CDC14A: variants seen among roughly 807,000 people sequenced by gnomAD.
The protein encoded by CDC14A is dual specificity protein phosphatase CDC14A.
Under a neutral mutation model 74.4 loss-of-function variants are expected in CDC14A, and 53 were observed. The observed-to-expected ratio is 0.71, with a 90% confidence interval of 0.57 to 0.89. The LOEUF (loss-of-function observed/expected upper bound fraction) is 0.89, where lower values mean the gene tolerates loss of function less well. CDC14A is among the 40% of genes least tolerant of loss of function. CDC14A has a pLI of 0.00. For synonymous variants in CDC14A, 247 were observed against 258.4 expected, an observed-to-expected ratio of 0.96 and a Z score of 0.43; for missense variants, 646 against 713.7, an observed-to-expected ratio of 0.91 and a Z score of 1.08.
At chr1:100,397,614 A>G (rs1013250197) in intron 4 of CDC14A, among the ~76,000 whole-genome samples, 1 of 152,234 alleles carries the variant, frequency 6.6e-6, no homozygotes, top group Non-Finnish European at 1.5e-5. Context: ...TTGGAAAATA[A>G]TATGTATGAG....
chr1:100,397,484 T>A (rs945540900), intron 4 of CDC14A, among the ~76,000 whole-genome samples: 1 of 152,200 alleles, frequency 6.6e-6, no homozygotes, highest in Non-Finnish European at 1.5e-5. Context: ...TATGAATTAA[T>A]TAGGTTCTTG....
At chr1:100,414,697 G>A (rs1661301142) in intron 4 of CDC14A, among the ~76,000 whole-genome samples, 1 of 152,172 alleles carries the variant, frequency 6.6e-6, no homozygotes, top group Admixed American at 6.5e-5. Flanking sequence ...ATATTCTGGA[G>A]TGAGTCTGTT....
intron 3 of CDC14A, among the ~76,000 whole-genome samples, chr1:100,385,851 T>C (rs558856357): frequency 3.3e-5 from 5 of 152,318 alleles, no homozygotes; most frequent in Admixed American, 3.3e-4. Flanking sequence ...GTTGCGGTTA[T>C]TATAGAGGGC....
rs1354962989 is a variant in CDC14A at position 100,491,571 on chromosome 1, TA to T, written c.1138-3246del. Among the ~76,000 whole-genome samples, 178 of 87,844 alleles carry T rather than the reference TA, an allele frequency of 2.0e-3. 7 individuals are homozygous for T. Among genetic ancestry groups the T allele is most frequent in the African/African-American group, 7.6e-3 (121 of 16,016 alleles). The allele number at this position is 87,844 out of a possible 152,430, so 57.6% of individuals were successfully genotyped here. A position where few individuals can be genotyped will look rare whatever the true frequency, so the allele number is the denominator to read the frequency against. The stretch of plus-strand genomic sequence containing the variant: ...CTCTATATATATATATATATATATA[TA>T]TTTTTTTTTTTTTTTTTTTTTTTGA... On this transcript the variant is annotated intron_variant, in intron 11 of 15. Transcript: ENST00000336454.
chr1:100,460,208 A>G lies in CDC14A; in HGVS notation c.608-2443A>G, dbSNP rs6679260. ...AACGTTAGGTGCAATTATTGTTGTT[A>G]TTATTATTTCAGTGCCCTGTTGCCA... On this transcript the variant is annotated intron_variant, in intron 8 of 15. Transcript: ENST00000336454. 7.7e-3 allele frequency among the ~76,000 whole-genome samples: 1,167 copies of G among 152,272 alleles called. 23 individuals are homozygous for G. Among genetic ancestry groups the G allele is most frequent in the African/African-American group, 0.026 (1,087 of 41,548 alleles).
intron 6 of CDC14A, among the ~76,000 whole-genome samples, 157 bp downstream of exon 6, chr1:100,440,155 C>A (rs1664767440): frequency 6.6e-6 from 1 of 152,208 alleles, no homozygotes; most frequent in Non-Finnish European, 1.5e-5. Flanking sequence ...TTGTAAAATA[C>A]AAACACCAGG....
At chr1:100,431,688 A>G (rs1663705684) in intron 5 of CDC14A, among the ~76,000 whole-genome samples, 1 of 151,890 alleles carries the variant, frequency 6.6e-6, no homozygotes, top group South Asian at 2.1e-4. Context: ...CAAAAAAAAA[A>G]TAAAAATAAA....
At chr1:100,489,744 A>G (rs377583109) in intron 11 of CDC14A, among the ~76,000 whole-genome samples, 2 of 152,180 alleles carry the variant, frequency 1.3e-5, no homozygotes, top group South Asian at 2.1e-4. Context: ...CTGAGAGCAG[A>G]CCCCTTTCCT....
intron 4 of CDC14A, chr1:100,392,906 A>T: frequency 1.6e-6 from 1 of 615,896 alleles, no homozygotes; most frequent in Non-Finnish European, 2.8e-6. Flanking sequence ...AGCAGCCCAC[A>T]CATTCTATGA....
intron 9 of CDC14A, among the ~76,000 whole-genome samples, chr1:100,465,367 A>ATTTCAT (rs1667696769): frequency 1.3e-5 from 2 of 152,162 alleles, no homozygotes; most frequent in South Asian, 4.1e-4. Context: ...TGAGATTGTT[A>ATTTCAT]TTTCATTTTC....
At chr1:100,509,766 G>A (rs1351032942) in intron 15 of CDC14A, among the ~76,000 whole-genome samples, 1 of 152,210 alleles carries the variant, frequency 6.6e-6, no homozygotes, top group Admixed American at 6.5e-5. Context: ...CAACTCAAAG[G>A]TTGATATATG....
At chr1:100,443,050 T>G (rs1214307394) in intron 7 of CDC14A, 54 bp downstream of exon 7, 10 of 1,224,690 alleles carry the variant, frequency 8.2e-6, no homozygotes, top group Non-Finnish European at 1.1e-5. Flanking sequence ...ATTAATTTTT[T>G]CCCCCTGTCA....
At chr1:100,476,708 C>A (rs749914898) in intron 10 of CDC14A, among the ~76,000 whole-genome samples, 64 of 151,422 alleles carry the variant, frequency 4.2e-4, no homozygotes, top group Admixed American at 6.6e-4. Flanking sequence ...GGTGTTATTG[C>A]CTTATATTTT....
At chr1:100,439,118 A>G (rs1664646240) in intron 5 of CDC14A, among the ~76,000 whole-genome samples, 1 of 152,202 alleles carries the variant, frequency 6.6e-6, no homozygotes, top group South Asian at 2.1e-4. Flanking sequence ...AAATTGCTCT[A>G]AAAACTTAAA....
At chr1:100,363,576 C>T (rs1271015853) in intron 2 of CDC14A, among the ~76,000 whole-genome samples, 1 of 149,072 alleles carries the variant, frequency 6.7e-6, no homozygotes, top group Admixed American at 6.7e-5. Flanking sequence ...TTTTCACATC[C>T]TAGTGACAAA....
chr1:100,361,978 G>A (rs190126473), intron 2 of CDC14A, among the ~76,000 whole-genome samples: 1 of 152,156 alleles, frequency 6.6e-6, no homozygotes, highest in Non-Finnish European at 1.5e-5. Flanking sequence ...GATGCGGGTA[G>A]GGAGGAGGAA....
intron 2 of CDC14A, among the ~76,000 whole-genome samples, chr1:100,375,180 C>A (rs80039105): frequency 2.5e-3 from 377 of 152,220 alleles, no homozygotes; most frequent in African/African-American, 8.6e-3. Context: ...AAGGAGGACA[C>A]TCTAGACAAG....
intron 15 of CDC14A, among the ~76,000 whole-genome samples, chr1:100,513,557 A>T (rs1342416302): frequency 6.6e-6 from 1 of 152,176 alleles, no homozygotes; most frequent in Non-Finnish European, 1.5e-5. Context: ...GAACATTAAG[A>T]CATCGTTACA....
chr1:100,440,149 A>G, intron 6 of CDC14A, 151 bp downstream of exon 6: 3 of 628,942 alleles, frequency 4.8e-6, no homozygotes, highest in Non-Finnish European at 8.3e-6. Context: ...ATTGATTTGT[A>G]AAATACAAAC....
Sources: allele counts gnomAD v4.1 joint callset (sites outside exome capture counted in the v4.1 genomes callset), GRCh38; gene constraint gnomAD v4.1.1; transcripts MANE v1.5; gene names NCBI Gene and HGNC (gene_info 2026-07-23, HGNC 2026-07-21).